Variants in ITGA1 observed in about 807,000 individuals in gnomAD.
ITGA1 encodes the protein integrin subunit alpha 1.
Under a neutral mutation model 145.9 loss-of-function variants are expected in ITGA1, and 85 were observed. That is an observed-to-expected ratio of 0.58 (90% confidence interval 0.49 to 0.70). The LOEUF is 0.70. ITGA1 is among the 30% of genes least tolerant of loss of function. ITGA1 has a pLI of 0.00. For synonymous variants in ITGA1, 520 were observed against 495.3 expected, an observed-to-expected ratio of 1.05 and a Z score of -0.66; for missense variants, 1,351 against 1,418.7, an observed-to-expected ratio of 0.95 and a Z score of 0.77.
At chr5:52,829,402 A>G (rs2456211) in intron 1 of ITGA1, among the ~76,000 whole-genome samples, 113,602 of 151,984 alleles carry the variant, frequency 0.75, 42,800 homozygotes, top group African/African-American at 0.81. Context: ...TAACAAAAAG[A>G]AAAAAGAAAA....
rs1750512334 is a variant in ITGA1 at position 52,911,066 on chromosome 5, A to G, written c.1857+647A>G. ...ACTATATATACTATACATAGTGTAT[A>G]TAGTGTATATATAGTATATATAGTG... On this transcript the variant is annotated intron_variant, in intron 14 of 28. Transcript: ENST00000282588. Among the ~76,000 whole-genome samples, 3 of 132,836 alleles carry G rather than the reference A, an allele frequency of 2.3e-5. No individual in the cohort carries two copies. In the South Asian group the frequency reaches 7.0e-4, roughly 31 times the overall value. The allele number at this position is 132,836 out of a possible 152,430, so 87.1% of individuals were successfully genotyped here. A position where few individuals can be genotyped will look rare whatever the true frequency, so the allele number is the denominator to read the frequency against.
intron 8 of ITGA1, among the ~76,000 whole-genome samples, chr5:52,893,226 G>A (rs934664841): frequency 1.3e-5 from 2 of 152,068 alleles, no homozygotes; most frequent in South Asian, 4.1e-4. Flanking sequence ...ATATGTGCTG[G>A]ACTGTGCCTT....
At chr5:52,829,085 A>G (rs1324949176) in intron 1 of ITGA1, among the ~76,000 whole-genome samples, 2 of 152,302 alleles carry the variant, frequency 1.3e-5, no homozygotes, top group East Asian at 1.9e-4. Context: ...TAAAGAACCT[A>G]TTTCCAAATA....
At chr5:52,885,589 CA>C (rs1378533799) in intron 7 of ITGA1, among the ~76,000 whole-genome samples, 2 of 152,120 alleles carry the variant, frequency 1.3e-5, no homozygotes, top group African/African-American at 2.4e-5. Context: ...AAATTTTAGA[CA>C]AATTAAATTT....
chr5:52,819,970 A>G (rs911907627), intron 1 of ITGA1, among the ~76,000 whole-genome samples: 15 of 151,960 alleles, frequency 9.9e-5, no homozygotes, highest in African/African-American at 3.6e-4. Flanking sequence ...ATGTGGCATT[A>G]TTTCTGAGGC....
intron 15 of ITGA1, 127 bp from the exon 16 acceptor site, chr5:52,918,605 T>A (rs1029289007): frequency 2.9e-6 from 2 of 696,470 alleles, no homozygotes; most frequent in African/African-American, 3.7e-5. Context: ...ATTAAAGAAA[T>A]GGAGTCCTGA....
At chr5:52,911,992 G>C (rs62651799) in intron 14 of ITGA1, among the ~76,000 whole-genome samples, 12,850 of 33,590 alleles carry the variant, frequency 0.38, 1,260 homozygotes, top group African/African-American at 0.5. Context: ...TATATGTATA[G>C]TGTGTATCTA....
chr5:52,804,702 A>T lies in ITGA1; in HGVS notation c.61+16288A>T, dbSNP rs1748557610. ...TTTGTTCCTAAGCAACCAAGTATAC[A>T]TATGAAACGGTCTGTACATTAATGC... On this transcript the variant is annotated intron_variant, in intron 1 of 28. Coordinates refer to ENST00000282588, the MANE Select transcript of ITGA1 (RefSeq NM_181501.2). Among the ~76,000 whole-genome samples the T allele has an allele frequency of 2.6e-5, 4 of 152,340 alleles. No homozygotes were observed. In the South Asian group the frequency reaches 8.3e-4, roughly 32 times the overall value.
chr5:52,847,636 T>G (rs776314574), intron 1 of ITGA1, among the ~76,000 whole-genome samples: 4 of 152,228 alleles, frequency 2.6e-5, no homozygotes, highest in Non-Finnish European at 5.9e-5. Context: ...CACTGCAACC[T>G]CTGTCTCCCA....
At chr5:52,878,617 T>TC (rs1421805248) in intron 6 of ITGA1, among the ~76,000 whole-genome samples, 2 of 152,216 alleles carry the variant, frequency 1.3e-5, no homozygotes, top group Non-Finnish European at 2.9e-5. Context: ...TAACCCTTTT[T>TC]CCCAAGGAGT....
intron 6 of ITGA1, among the ~76,000 whole-genome samples, chr5:52,877,235 G>A (rs576856850): frequency 6.6e-6 from 1 of 152,278 alleles, no homozygotes; most frequent in South Asian, 2.1e-4. Flanking sequence ...AGGACAGTTA[G>A]TCTGCCAGGA....
chr5:52,838,872 G>A (rs1337037376), intron 1 of ITGA1, among the ~76,000 whole-genome samples: 2 of 152,120 alleles, frequency 1.3e-5, no homozygotes, highest in African/African-American at 2.4e-5. Context: ...CGAGGCAGGC[G>A]GATCACTCGA....
At chr5:52,900,987 T>C (rs376407467) in intron 11 of ITGA1, among the ~76,000 whole-genome samples, 1 of 152,194 alleles carries the variant, frequency 6.6e-6, no homozygotes, top group Admixed American at 6.5e-5. Flanking sequence ...TCCCCAAAGA[T>C]GTCCATGTCC....
intron 7 of ITGA1, among the ~76,000 whole-genome samples, chr5:52,884,604 G>A (rs1750018823): frequency 2.0e-5 from 3 of 152,216 alleles, no homozygotes; most frequent in South Asian, 4.1e-4. Context: ...TTTGACTACA[G>A]TGAGGACAAG....
At chr5:52,920,590 G>T (rs1358258702) in intron 17 of ITGA1, 122 bp downstream of exon 17, 3 of 794,578 alleles carry the variant, frequency 3.8e-6, no homozygotes, top group Non-Finnish European at 5.5e-6. Context: ...TGTCATAAAG[G>T]AAATCTTGTT....
intron 2 of ITGA1, among the ~76,000 whole-genome samples, chr5:52,856,285 G>A (rs1749510196): frequency 6.6e-6 from 1 of 151,776 alleles, no homozygotes; most frequent in African/African-American, 2.4e-5. Context: ...CTTTCCTTCT[G>A]CCTTACAATT....
intron 18 of ITGA1, among the ~76,000 whole-genome samples, chr5:52,924,198 T>C (rs1750769684): frequency 7.8e-6 from 1 of 128,032 alleles, no homozygotes; most frequent in African/African-American, 2.6e-5. Context: ...ATACCAGGCA[T>C]TGGAGCTTAC....
intron 1 of ITGA1, among the ~76,000 whole-genome samples, chr5:52,818,197 A>G (rs1389123498): frequency 6.6e-6 from 1 of 152,194 alleles, no homozygotes; most frequent in Non-Finnish European, 1.5e-5. Context: ...CAACTGTAGT[A>G]CATACATCTA....
chr5:52,797,460 G>C (rs1252956003), intron 1 of ITGA1, among the ~76,000 whole-genome samples: 1 of 150,190 alleles, frequency 6.7e-6, no homozygotes, highest in Non-Finnish European at 1.5e-5. Context: ...AGGCTGGACA[G>C]AAGGAAAAAA....
Sources: gnomAD v4.1 joint callset for allele counts (sites outside exome capture counted in the v4.1 genomes callset) on GRCh38, gnomAD v4.1.1 for gene constraint, MANE v1.5 for transcripts, NCBI Gene and HGNC (gene_info 2026-07-23, HGNC 2026-07-21) for gene names.